The following LIMCH1 variants were observed in gnomAD, a reference collection of about 807,000 sequenced individuals.
LIMCH1 encodes LIM and calponin homology domains 1, also known as LIM and calponin homology domains-containing protein 1.
Under a neutral mutation model 176.5 loss-of-function variants are expected in LIMCH1, and 113 were observed. The observed-to-expected ratio is 0.64, with a 90% CI of 0.55 to 0.75. The LOEUF (loss-of-function observed/expected upper bound fraction) is 0.75, where lower values mean the gene tolerates loss of function less well. LIMCH1 is among the 30% of genes least tolerant of loss of function. The pLI is 0.00. For missense variants in LIMCH1, 1,674 were observed against 1,814.9 expected, an observed-to-expected ratio of 0.92 and a Z score of 1.41; for synonymous variants, 619 against 645.9, an observed-to-expected ratio of 0.96 and a Z score of 0.63.
intron 1 of LIMCH1, among the ~76,000 whole-genome samples, chr4:41,430,379 T>C (rs1217328775): frequency 6.6e-6 from 1 of 152,220 alleles, no homozygotes; most frequent in African/African-American, 2.4e-5. Flanking sequence ...TTCTCTTGCC[T>C]CAGCCTTCCG....
intron 1 of LIMCH1, among the ~76,000 whole-genome samples, chr4:41,398,863 T>C (rs924989118): frequency 1.8e-4 from 28 of 152,112 alleles, no homozygotes; most frequent in African/African-American, 6.8e-4. Flanking sequence ...TCTCGCTTGC[T>C]CCCTCCCACA....
At position 41,626,758 on chromosome 4, in the gene LIMCH1, G is replaced by A. The variant is rs751079079; in HGVS notation, c.776G>A (p.Arg259His). The change falls in exon 8 of 32, where the codon CGC (arginine) becomes CAC (histidine). Residue 259 changes from arginine (R) to histidine (H), a missense_variant. Physicochemically the swap from Arg to His is conservative, Grantham distance 29 (BLOSUM62 0). This residue lies in a region of LIMCH1 where 655 missense variants were observed against 692.2 expected (regional missense o/e 0.95). Coordinates refer to ENST00000503057, the MANE Select transcript of LIMCH1 (RefSeq NM_001330672.2). ...EKEAIRDIVLRKENSFLTHQH... is the reference protein window; with the variant it reads ...EKEAIRDIVLHKENSFLTHQH... ...GAAGCTATTCGTGATATTGTCCTTC[G>A]CAAAGAAAACTCTTTCCTGACCCAC... 2.0e-5 allele frequency: 31 copies of A among 1,536,168 alleles called. No homozygotes were observed. Among genetic ancestry groups the A allele is most frequent in the South Asian group, 1.7e-4 (14 of 84,058 alleles).
intron 11 of LIMCH1, 45 bp from the exon 12 acceptor site, chr4:41,632,932 G>C (rs867860933): frequency 2.0e-6 from 3 of 1,529,356 alleles, no homozygotes; most frequent in Non-Finnish European, 8.8e-7. Flanking sequence ...AGAGCCTCTG[G>C]TGTGAATTCT....
intron 1 of LIMCH1, among the ~76,000 whole-genome samples, chr4:41,402,906 G>A (rs539665490): frequency 1.3e-5 from 2 of 151,446 alleles, no homozygotes; most frequent in South Asian, 2.1e-4. Flanking sequence ...CAGCACACCA[G>A]CATGGCACAT....
intron 21 of LIMCH1, 47 bp downstream of exon 21, chr4:41,666,713 C>A (rs932535876): frequency 1.7e-6 from 2 of 1,172,138 alleles, no homozygotes; most frequent in African/African-American, 1.5e-5. Context: ...CTGGGCCCAT[C>A]TGTAGTAAAC....
intron 30 of LIMCH1, among the ~76,000 whole-genome samples, chr4:41,691,832 C>T (rs1726179666): frequency 6.6e-6 from 1 of 152,206 alleles, no homozygotes; most frequent in South Asian, 2.1e-4. Flanking sequence ...AACTTAGCAA[C>T]GATGCTGGCA....
intron 5 of LIMCH1, among the ~76,000 whole-genome samples, chr4:41,615,073 T>C (rs959685304): frequency 3.3e-5 from 5 of 152,186 alleles, no homozygotes; most frequent in African/African-American, 1.2e-4. Context: ...TTCTAAAATG[T>C]TATATGTCAT....
chr4:41,513,005 C>T (rs531154160), intron 2 of LIMCH1, among the ~76,000 whole-genome samples: 92 of 152,258 alleles, frequency 6.0e-4, no homozygotes, highest in African/African-American at 2.2e-3. Flanking sequence ...TTCCAAATAT[C>T]ATTTAGTTCA....
chr4:41,643,060 A>G (rs143126624), intron 14 of LIMCH1, among the ~76,000 whole-genome samples: 1 of 152,148 alleles, frequency 6.6e-6, no homozygotes, highest in Non-Finnish European at 1.5e-5. Flanking sequence ...ACAGTTTTTC[A>G]GTTTAGTTCT....
At chr4:41,563,134 A>G (rs927998406) in intron 1 of LIMCH1, among the ~76,000 whole-genome samples, 4 of 152,166 alleles carry the variant, frequency 2.6e-5, no homozygotes, top group Non-Finnish European at 4.4e-5. Flanking sequence ...ACCGTGGCCT[A>G]TATAGACCTT....
intron 1 of LIMCH1, among the ~76,000 whole-genome samples, chr4:41,457,003 G>T (rs368720176): frequency 1.3e-5 from 2 of 152,170 alleles, no homozygotes; most frequent in East Asian, 3.9e-4. Context: ...CAGAGGCTAA[G>T]ACCATCAGAG....
chr4:41,600,019 A>T (rs1584695741), intron 2 of LIMCH1, among the ~76,000 whole-genome samples: 2 of 152,184 alleles, frequency 1.3e-5, no homozygotes, highest in Admixed American at 1.3e-4. Context: ...TTTAAAAAGG[A>T]TGAGGAAAAA....
intron 2 of LIMCH1, among the ~76,000 whole-genome samples, chr4:41,504,166 C>T (rs1191459338): frequency 1.3e-5 from 2 of 152,184 alleles, no homozygotes; most frequent in East Asian, 3.9e-4. Flanking sequence ...AGAATAAGGC[C>T]CCTCCATTTT....
chr4:41,475,890 A>G (rs2067663247), intron 1 of LIMCH1, among the ~76,000 whole-genome samples: 2 of 152,242 alleles, frequency 1.3e-5, no homozygotes, highest in South Asian at 4.1e-4. Flanking sequence ...TAATACAAAA[A>G]AAGACATTAA....
At chr4:41,663,603 C>G (rs2094709305) in intron 20 of LIMCH1, among the ~76,000 whole-genome samples, 1 of 152,126 alleles carries the variant, frequency 6.6e-6, no homozygotes, top group African/African-American at 2.4e-5. Context: ...ATTAAAGTTT[C>G]TTCCTTGTTT....
intron 1 of LIMCH1, among the ~76,000 whole-genome samples, chr4:41,409,690 A>T (rs561747185): frequency 4.6e-5 from 7 of 152,298 alleles, no homozygotes; most frequent in African/African-American, 1.2e-4. Flanking sequence ...TGAGGTCCCG[A>T]TACAGTAACA....
At chr4:41,583,900 C>A (rs566828988) in intron 1 of LIMCH1, among the ~76,000 whole-genome samples, 6 of 152,112 alleles carry the variant, frequency 3.9e-5, no homozygotes, top group South Asian at 4.2e-4. Flanking sequence ...TTCCGAATAC[C>A]GAAATTACTT....
At chr4:41,496,361 G>A (rs1181185299) in intron 2 of LIMCH1, among the ~76,000 whole-genome samples, 2 of 152,168 alleles carry the variant, frequency 1.3e-5, no homozygotes, top group Non-Finnish European at 2.9e-5. Context: ...TAGGGATCAA[G>A]CTCTCGTTTC....
Position 41,649,394 on chromosome 4 carries a change from C to T in LIMCH1, c.2821-999C>T, listed in dbSNP as rs567558337. ...CAGCCTGGGTGACAGAGTGAGACCC[C>T]GTCTCAAAAAATAAATAAATACATA... is the stretch of plus-strand genomic sequence containing the variant. On this transcript the variant is annotated intron_variant, in intron 17 of 31. Coordinates refer to ENST00000503057, the MANE Select transcript of LIMCH1 (RefSeq NM_001330672.2). Among the ~76,000 whole-genome samples, 68 of 152,004 alleles carry T rather than the reference C, an allele frequency of 4.5e-4. 1 individual carries two copies. The highest frequency in any genetic ancestry group is 8.2e-4 in the Non-Finnish European group (56 of 67,970).
Sources: allele counts gnomAD v4.1 joint callset (sites outside exome capture counted in the v4.1 genomes callset), GRCh38; gene constraint gnomAD v4.1.1; regional missense constraint gnomAD v4.1.1; transcripts MANE v1.5; gene names NCBI Gene and HGNC (gene_info 2026-07-23, HGNC 2026-07-21).